The following RAPGEF6 variants were observed in gnomAD, a reference collection of about 807,000 sequenced individuals.
The protein encoded by RAPGEF6 is PDZ domain containing guanine nucleotide exchange factor (GEF) 2.
In RAPGEF6, 56 loss-of-function variants were observed where a neutral mutation model predicts 171.4. The observed-to-expected ratio is 0.33, with a 90% CI of 0.26 to 0.41. The LOEUF is 0.41. RAPGEF6 is among the 10% of genes least tolerant of loss of function. RAPGEF6 has a pLI of 1.00. For synonymous variants in RAPGEF6, 692 were observed against 650.1 expected, an observed-to-expected ratio of 1.06 and a Z score of -0.98; for missense variants, 1,674 against 1,921.4, an observed-to-expected ratio of 0.87 and a Z score of 2.41.
chr5:131,611,378 T>C (rs1006876162), intron 1 of RAPGEF6, among the ~76,000 whole-genome samples: 3 of 152,228 alleles, frequency 2.0e-5, no homozygotes, highest in Non-Finnish European at 2.9e-5. Context: ...TTTTAAATAA[T>C]GTCATGTTTG....
At chr5:131,524,052 A>C (rs1758695199) in intron 6 of RAPGEF6, among the ~76,000 whole-genome samples, 1 of 152,202 alleles carries the variant, frequency 6.6e-6, no homozygotes, top group Non-Finnish European at 1.5e-5. Context: ...TAGCAAAAAC[A>C]GTCCTCAAAA....
chr5:131,603,102 T>C (rs1042907756), intron 3 of RAPGEF6, among the ~76,000 whole-genome samples, 169 bp downstream of exon 3: 2 of 152,206 alleles, frequency 1.3e-5, no homozygotes, highest in Non-Finnish European at 2.9e-5. Flanking sequence ...TAAAATTCAT[T>C]GCTTTGTACA....
intron 2 of RAPGEF6, 39 bp from the exon 3 acceptor site, chr5:131,603,366 T>C: frequency 7.3e-7 from 1 of 1,368,902 alleles, no homozygotes; most frequent in East Asian, 2.4e-5. Flanking sequence ...TCTTACATTT[T>C]GTTTTTAAAA....
chr5:131,564,273 G>T (rs910142521), intron 4 of RAPGEF6, among the ~76,000 whole-genome samples: 3 of 152,208 alleles, frequency 2.0e-5, no homozygotes, highest in Non-Finnish European at 4.4e-5. Flanking sequence ...GAGTATGCAT[G>T]AGCATTTGTG....
chr5:131,625,409 T>C (rs904692764), intron 1 of RAPGEF6, among the ~76,000 whole-genome samples: 2 of 152,154 alleles, frequency 1.3e-5, no homozygotes, highest in East Asian at 3.9e-4. Context: ...AGTGACCAGG[T>C]TGGGCCAATT....
chr5:131,618,984 A>G (rs193158591), intron 1 of RAPGEF6, among the ~76,000 whole-genome samples: 283 of 152,002 alleles, frequency 1.9e-3, no homozygotes, highest in Non-Finnish European at 3.3e-3. Context: ...ATGAATCCAG[A>G]TCATGATACA....
intron 1 of RAPGEF6, among the ~76,000 whole-genome samples, chr5:131,633,875 A>G (rs1017016466): frequency 2.8e-4 from 42 of 152,350 alleles, no homozygotes; most frequent in African/African-American, 1.0e-3. Context: ...TGACTTCAAG[A>G]ATCATCATAA....
At chr5:131,533,169 TACACACACACACACACACACACACACAC>T (rs3992020) in intron 6 of RAPGEF6, 73 of 136,948 alleles carry the variant, frequency 5.3e-4, no homozygotes, top group African/African-American at 1.9e-3. Flanking sequence ...ATTGAAAACA[TACACACACACACACACACACACACACAC>T]ACACACACAC....
At chr5:131,609,077 T>C (rs931150762) in intron 1 of RAPGEF6, among the ~76,000 whole-genome samples, 1 of 152,208 alleles carries the variant, frequency 6.6e-6, no homozygotes, top group Non-Finnish European at 1.5e-5. Context: ...CGTGAGCCAC[T>C]GCGCCCAGCC....
At chr5:131,503,430 G>A (rs1475076148) in intron 11 of RAPGEF6, among the ~76,000 whole-genome samples, 2 of 152,188 alleles carry the variant, frequency 1.3e-5, no homozygotes, top group South Asian at 4.1e-4. Context: ...AAAAGTATAT[G>A]TGTAAGCCTA....
chr5:131,567,365 T>C (rs1326929649), intron 4 of RAPGEF6, among the ~76,000 whole-genome samples: 17 of 152,200 alleles, frequency 1.1e-4, no homozygotes, highest in Non-Finnish European at 1.5e-5. Flanking sequence ...ATTCTTAAGA[T>C]GACTAGATCA....
rs1190074201 is a variant in RAPGEF6, at chr5:131,604,684, T to C, written c.79A>G (p.Thr27Ala). The change falls in exon 2 of 28, where the codon ACT becomes GCT. Residue 27 changes from threonine (T) to alanine (A), a missense_variant. By Grantham distance (58) the Thr-to-Ala change is moderately conservative. Coordinates refer to ENST00000509018, the MANE Select transcript of RAPGEF6 (RefSeq NM_016340.6). The part of the protein sequence containing the change: ...PPERTPEDLN[T>A]IYSYLHGMEI... ...ATTCCATGAAGATAAGAATAAATAG[T>C]ATTTAAGTCCTGTGGAACAGAAGAA... 6.2e-7 allele frequency: 1 copy of C among 1,608,986 alleles called. No individual in the cohort carries two copies. The highest frequency in any genetic ancestry group is 8.5e-7 in the Non-Finnish European group (1 of 1,177,982).
chr5:131,619,262 A>G (rs2150032204), intron 1 of RAPGEF6, among the ~76,000 whole-genome samples: 1 of 152,268 alleles, frequency 6.6e-6, no homozygotes, highest in East Asian at 1.9e-4. Flanking sequence ...GCAGCTGAAC[A>G]ATGAGGATAC....
intron 16 of RAPGEF6, among the ~76,000 whole-genome samples, chr5:131,474,481 C>A (rs1322932908): frequency 6.6e-6 from 1 of 151,888 alleles, no homozygotes; most frequent in Non-Finnish European, 1.5e-5. Context: ...GAGAATTGTA[C>A]AAACACAGAA....
intron 1 of RAPGEF6, among the ~76,000 whole-genome samples, chr5:131,620,737 C>T (rs953328909): frequency 3.9e-5 from 6 of 152,050 alleles, no homozygotes; most frequent in African/African-American, 1.2e-4. Context: ...ACTAAAGGCA[C>T]GCATCACCAT....
At chr5:131,601,254 G>A (rs766201304) in intron 3 of RAPGEF6, among the ~76,000 whole-genome samples, 2 of 151,562 alleles carry the variant, frequency 1.3e-5, no homozygotes, top group Admixed American at 6.6e-5. Context: ...GCATGGTGGC[G>A]GGCGCCTGTA....
rs758334244 is a variant in RAPGEF6, at chr5:131,464,168, C to T, written c.2353G>A (p.Gly785Ser). Residue 785 changes from glycine to serine, a missense_variant, in exon 18 of 28, where the codon GGT becomes AGT. Transcript: ENST00000509018. Reference protein sequence around the residue: ...EVVFHAVHEFGLTGASDTYSL... With the variant: ...EVVFHAVHEFSLTGASDTYSL... ...TATGTGTCGGATGCACCGGTCAAAC[C>T]AAATTCATGAACAGCATGAAAAACT... 1.2e-6 allele frequency: 2 copies of T among 1,613,938 alleles called. No homozygotes were observed. The highest frequency in any genetic ancestry group is 1.7e-6 in the Non-Finnish European group (2 of 1,179,918).
intron 6 of RAPGEF6, among the ~76,000 whole-genome samples, chr5:131,540,147 C>G (rs1462119550): frequency 6.6e-6 from 1 of 152,156 alleles, no homozygotes; most frequent in African/African-American, 2.4e-5. Flanking sequence ...ATATAAAAAG[C>G]ATCCTAAGCA....
At chr5:131,609,747 C>G (rs1281708029) in intron 1 of RAPGEF6, among the ~76,000 whole-genome samples, 2 of 152,180 alleles carry the variant, frequency 1.3e-5, no homozygotes, top group South Asian at 2.1e-4. Context: ...TATATGGTGT[C>G]TCTCATCCCA....
Sources: allele counts gnomAD v4.1 joint callset (sites outside exome capture counted in the v4.1 genomes callset), GRCh38; gene constraint gnomAD v4.1.1; transcripts MANE v1.5; gene names NCBI Gene and HGNC (gene_info 2026-07-23, HGNC 2026-07-21).